KLHL5: variants seen among roughly 807,000 people sequenced by gnomAD.
KLHL5 encodes the protein kelch-like protein 5.
KLHL5 carries 48 observed loss-of-function variants against 77.7 expected under a neutral mutation model. The ratio of observed to expected loss-of-function variants is 0.62; its 90% CI spans 0.49 to 0.79. The LOEUF (loss-of-function observed/expected upper bound fraction) is 0.79. KLHL5 is among the 30% of genes least tolerant of loss of function. KLHL5 has a pLI of 0.00. For missense variants in KLHL5, 723 were observed against 859.7 expected (o/e 0.84, Z 1.99); for synonymous variants, 260 against 297.0 (o/e 0.88, Z 1.28).
intron 10 of KLHL5, among the ~76,000 whole-genome samples, chr4:39,119,661 C>T (rs1207481404): frequency 6.6e-6 from 1 of 152,124 alleles, no homozygotes; most frequent in Non-Finnish European, 1.5e-5. Flanking sequence ...TGTATAGGCA[C>T]TAAAATGAGA....
chr4:39,086,493 AT>A, intron 4 of KLHL5, 21 bp from the exon 5 acceptor site: 2 of 1,573,322 alleles, frequency 1.3e-6, no homozygotes, highest in Non-Finnish European at 1.7e-6. Context: ...AATATTGTTT[AT>A]CTGCTATTTC....
chr4:39,109,636 TC>T (rs1577734115), intron 8 of KLHL5, among the ~76,000 whole-genome samples: 1 of 124,642 alleles, frequency 8.0e-6, no homozygotes, highest in African/African-American at 2.7e-5. Context: ...TCTTTTTTTT[TC>T]TTTTTTTTTT....
intron 5 of KLHL5, among the ~76,000 whole-genome samples, chr4:39,090,981 T>C (rs1720483918): frequency 8.7e-6 from 1 of 115,028 alleles, no homozygotes; most frequent in Admixed American, 1.1e-4. Flanking sequence ...CCAGTCAGTT[T>C]TTAATTTTTT....
At chr4:39,076,556 C>T (rs1009106460) in intron 2 of KLHL5, among the ~76,000 whole-genome samples, 1 of 151,962 alleles carries the variant, frequency 6.6e-6, no homozygotes, top group Non-Finnish European at 1.5e-5. Flanking sequence ...CATATCTATC[C>T]CAACTTCTGT....
chr4:39,093,010 T>A, intron 5 of KLHL5: 2 of 440,964 alleles, frequency 4.5e-6, no homozygotes, highest in Non-Finnish European at 9.1e-6. Flanking sequence ...TAGGTAATAA[T>A]TACCCAAGAG....
At position 39,122,195 on chromosome 4, in the gene KLHL5, A is replaced by G. The variant is rs1358248472; in HGVS notation, c.*1129A>G. On this transcript the variant is annotated 3_prime_UTR_variant, in exon 11 of 11. Coordinates refer to ENST00000504108, the MANE Select transcript of KLHL5 (RefSeq NM_015990.5). The stretch of plus-strand genomic sequence containing the variant: ...GCAGTAACATTTTGTGATAAATCCT[A>G]TAAGATATAAGTCATTGAGATGTCT... 2 of 152,512 alleles carry G rather than the reference A, an allele frequency of 1.3e-5. No individual in the cohort carries two copies. Among genetic ancestry groups the G allele is most frequent in the African/African-American group, 4.8e-5 (2 of 41,466 alleles). 9.4% of individuals were successfully genotyped at this position (152,512 alleles called of 1,614,324 possible).
Position 39,125,974 on chromosome 4 carries a change from A to G in KLHL5, c.*4908A>G, listed in dbSNP as rs1400030553. Among the ~76,000 whole-genome samples the G allele has an allele frequency of 6.6e-6, 1 of 152,206 alleles. No individual in the cohort carries two copies. Among genetic ancestry groups the G allele is most frequent in the African/African-American group, 2.4e-5 (1 of 41,450 alleles). The stretch of plus-strand genomic sequence containing the variant: ...GAGAAATTTTTCACTGTAATTTGCA[A>G]ATAAATGAATTTCTAAAAATCTAAC... On this transcript the variant is annotated 3_prime_UTR_variant, in exon 11 of 11. Coordinates refer to ENST00000504108, the MANE Select transcript of KLHL5 (RefSeq NM_015990.5).
chr4:39,092,890 C>T lies in KLHL5; in HGVS notation c.1114-3802C>T, dbSNP rs757996324. 7.2e-5 allele frequency among the ~76,000 whole-genome samples: 11 copies of T among 152,130 alleles called. No individual in the cohort carries two copies. The East Asian group carries it at 1.2e-3, about 16-fold the overall frequency. ...GAGGATGTGCAAAAACAGGAACCCT[C>T]GTACAGTGCTGGTGGGAATGTAAGA... On this transcript the variant is annotated intron_variant, in intron 5 of 10. Coordinates refer to ENST00000504108, the MANE Select transcript of KLHL5 (RefSeq NM_015990.5).
At chr4:39,063,122 T>A in intron 1 of KLHL5, 87 bp downstream of exon 1, 1 of 919,644 alleles carries the variant, frequency 1.1e-6, no homozygotes. Flanking sequence ...TTATTTAAAA[T>A]CTGATTATAT....
chr4:39,133,458 C>A, the KLHL5 span, among the ~76,000 whole-genome samples: 1 of 151,646 alleles, frequency 6.6e-6, no homozygotes, highest in African/African-American at 2.4e-5. Flanking sequence ...AGGGTTTCAT[C>A]TGTATGACTC....
rs1196121970 is a variant in KLHL5, at chr4:39,095,082, A to C, written c.1114-1610A>C. The stretch of plus-strand genomic sequence containing the variant: ...GACAAATGATTAAAAATCTAGAAAA[A>C]TACAATTGAAAAATAAAGGATTAGT... On this transcript the variant is annotated intron_variant, in intron 5 of 10. Transcript: ENST00000504108. 2.0e-5 allele frequency among the ~76,000 whole-genome samples: 3 copies of C among 152,326 alleles called. No homozygotes were observed. The East Asian group carries it at 5.8e-4, about 29-fold the overall frequency.
chr4:39,086,836 A>C (rs1228231354), intron 5 of KLHL5, 109 bp downstream of exon 5: 1 of 764,302 alleles, frequency 1.3e-6, no homozygotes, highest in Non-Finnish European at 2.2e-6. Flanking sequence ...TAGTGAGCTA[A>C]CAAAATTCTG....
Position 39,107,601 on chromosome 4 carries a change from G to T in KLHL5, c.1558G>T (p.Val520Leu), listed in dbSNP as rs553259322. The T allele has an allele frequency of 3.1e-6, 5 of 1,611,976 alleles. No individual in the cohort carries two copies. In the African/African-American group the frequency reaches 6.7e-5, roughly 22 times the overall value. Residue 520 changes from valine (V) to leucine (L), a missense_variant, in exon 8 of 11, where the codon GTA (valine) becomes TTA (leucine). Physicochemically the swap from Val to Leu is conservative, Grantham distance 32. Around this residue, in one of 3 missense-constraint regions of KLHL5, gnomAD observed 214 missense variants for 237.4 expected, o/e 0.90. Coordinates refer to ENST00000504108, the MANE Select transcript of KLHL5 (RefSeq NM_015990.5). Reference protein sequence around the residue: ...VAVLEGPMYAVGGHDGWSYLN... With the variant: ...VAVLEGPMYALGGHDGWSYLN... ...TGTACTGGAAGGTCCCATGTATGCC[G>T]TAGGAGGACATGATGGCTGGAGCTA...
At chr4:39,082,355 C>G (rs1478534310) in intron 4 of KLHL5, among the ~76,000 whole-genome samples, 196 bp downstream of exon 4, 4 of 152,176 alleles carry the variant, frequency 2.6e-5, no homozygotes, top group Admixed American at 6.5e-5. Context: ...GTATCTGAAT[C>G]AAGCCCTAAG....
In KLHL5 at chr4:39,122,919, C is replaced by A. The variant is rs1186893370; in HGVS notation, c.*1853C>A. Among the ~76,000 whole-genome samples, 1 of 151,868 alleles carries A rather than the reference C, an allele frequency of 6.6e-6. No homozygotes were observed. The highest frequency in any genetic ancestry group is 1.5e-5 in the Non-Finnish European group (1 of 67,962). On this transcript the variant is annotated 3_prime_UTR_variant, in exon 11 of 11. Coordinates refer to ENST00000504108, the MANE Select transcript of KLHL5 (RefSeq NM_015990.5). Reference sequence around the variant, plus strand: ...ATAGTAATAAAATTTACCAGTAACACCCAATCAGAAAATTTTGGTTCCTTA... The same window carrying A: ...ATAGTAATAAAATTTACCAGTAACAACCAATCAGAAAATTTTGGTTCCTTA...
At chr4:39,050,802 CT>C (rs1293326313) in intron 1 of KLHL5, among the ~76,000 whole-genome samples, 1 of 152,184 alleles carries the variant, frequency 6.6e-6, no homozygotes, top group Non-Finnish European at 1.5e-5. Flanking sequence ...CTTGCAAATT[CT>C]AGTGAGACAG....
chr4:39,074,192 A>G (rs1047576921), intron 1 of KLHL5, among the ~76,000 whole-genome samples: 2 of 152,168 alleles, frequency 1.3e-5, no homozygotes, highest in African/African-American at 4.8e-5. Context: ...TTTCTAGATA[A>G]TATACATTTG....
chr4:39,076,001 T>C lies in KLHL5; in HGVS notation c.420T>C (p.His140=). The C allele has an allele frequency of 6.2e-7, 1 of 1,612,284 alleles. No individual in the cohort carries two copies. The highest frequency in any genetic ancestry group is 1.3e-5 in the African/African-American group (1 of 74,900). Residue 140 remains histidine (H), a synonymous_variant, in exon 2 of 11, where the codon CAT becomes CAC. Transcript: ENST00000504108. The part of the protein sequence containing the change: ...SNSSQTLSSC[H]TMEPCTSDEF... The stretch of plus-strand genomic sequence containing the variant: ...GTAGTCAGACATTATCATCCTGTCA[T>C]ACTATGGAGCCATGTACATCAGATG...
rs1480679361 is a variant in KLHL5, at chr4:39,063,466, G to C, written c.383+431G>C. The C allele has an allele frequency of 2.5e-5, 8 of 317,586 alleles. No homozygotes were observed. In the Admixed American group the frequency reaches 2.7e-4, roughly 11 times the overall value. 19.7% of individuals were successfully genotyped at this position (317,586 alleles called of 1,614,324 possible). A position where few individuals can be genotyped will look rare whatever the true frequency, so the allele number is the denominator to read the frequency against. ...TTTTTTAATTTAATGAAAAGGAAAG[G>C]TTTTGCAAAGAGATGCACATTATAG... On this transcript the variant is annotated intron_variant, in intron 1 of 10. Coordinates refer to ENST00000504108, the MANE Select transcript of KLHL5 (RefSeq NM_015990.5).
Sources: allele counts gnomAD v4.1 joint callset (sites outside exome capture counted in the v4.1 genomes callset), GRCh38; gene constraint gnomAD v4.1.1; regional missense constraint gnomAD v4.1.1; transcripts MANE v1.5; gene names NCBI Gene and HGNC (gene_info 2026-07-23, HGNC 2026-07-21).